Variants in PRRT2 observed in about 807,000 individuals in gnomAD.
PRRT2 encodes proline-rich transmembrane protein 2.
In PRRT2, 9 loss-of-function variants were observed where a neutral mutation model predicts 24.7. The observed-to-expected ratio is 0.36, with a 90% CI of 0.22 to 0.64. PRRT2 has a LOEUF of 0.64. Among genes scored for constraint, PRRT2 ranks in the 30% least tolerant of loss-of-function variants. PRRT2 has a pLI of 0.65. For missense variants in PRRT2, 460 were observed against 435.0 expected, an observed-to-expected ratio of 1.06 and a Z score of -0.51; for synonymous variants, 195 against 175.5, an observed-to-expected ratio of 1.11 and a Z score of -0.88.
intron 1 of PRRT2, 58 bp from the exon 2 acceptor site, chr16:29,812,932 C>T: frequency 1.9e-6 from 2 of 1,053,424 alleles, no homozygotes. Context: ...CCAATTGGGC[C>T]TGCAGTGCTG....
rs956593649 is a variant in PRRT2 at position 29,812,210 on chromosome 16, G to A, written c.-179G>A. ...GAGGGGATGAGCACACGGGAGAGGA[G>A]AAGAGGGAGACCCGCCGCCTCCCTC... On this transcript the variant is annotated 5_prime_UTR_variant, in exon 1 of 4. Transcript: ENST00000358758. 2 of 160,846 alleles carry A rather than the reference G, an allele frequency of 1.2e-5. No individual in the cohort carries two copies. Among genetic ancestry groups the A allele is most frequent in the Non-Finnish European group, 2.7e-5 (2 of 72,890 alleles). 10.0% of individuals were successfully genotyped at this position (160,846 alleles called of 1,614,324 possible). A position where few individuals can be genotyped will look rare whatever the true frequency, so the allele number is the denominator to read the frequency against.
At position 29,815,408 on chromosome 16, in the gene PRRT2, G is replaced by A. The variant is rs117430740; in HGVS notation, c.*770G>A. 9.4e-3 allele frequency: 1,432 copies of A among 152,658 alleles called. 11 individuals carry two copies. Among genetic ancestry groups the A allele is most frequent in the Non-Finnish European group, 0.015 (998 of 68,026 alleles). 9.5% of individuals were successfully genotyped at this position (152,658 alleles called of 1,614,324 possible). ...AGGGTGGCGAGTACTGGTTCCGAAC[G>A]CACGCAGGGGAGAAGGGAGGGACGC... On this transcript the variant is annotated 3_prime_UTR_variant, in exon 4 of 4. Coordinates refer to ENST00000358758, the MANE Select transcript of PRRT2 (RefSeq NM_145239.3).
intron 1 of PRRT2, 36 bp downstream of exon 1, chr16:29,812,359 T>C (rs1453466287): frequency 6.5e-6 from 1 of 152,882 alleles, no homozygotes; most frequent in Non-Finnish European, 1.5e-5. Flanking sequence ...CGGGTAGGAG[T>C]GGACCGACCG....
At position 29,814,360 on chromosome 16, in the gene PRRT2, G is replaced by T; in HGVS notation, c.907G>T (p.Val303Leu). 6.2e-7 allele frequency: 1 copy of T among 1,607,850 alleles called. No individual in the cohort carries two copies. Reference sequence around the variant, plus strand: ...CCGGAACAGCCTGCAGCAGGGGGACGTGGACGGGGCCCAGCGTCTGGGCCG... The same window carrying T: ...CCGGAACAGCCTGCAGCAGGGGGACTTGGACGGGGCCCAGCGTCTGGGCCG... Reference protein sequence around the residue: ...MSRNSLQQGDVDGAQRLGRVA... With the variant: ...MSRNSLQQGDLDGAQRLGRVA... The change falls in exon 3 of 4, where the codon GTG (valine) becomes TTG (leucine). Residue 303 changes from valine to leucine, a missense_variant. Val to Leu is a conservative substitution (Grantham distance 32). Around this residue, in one of 3 missense-constraint regions of PRRT2, gnomAD observed 64 missense variants for 71.2 expected, o/e 0.90. Transcript: ENST00000358758. The surrounding 1 kb of genome is among the most constrained non-coding windows in gnomAD (Gnocchi z 4.1).
Position 29,814,369 on chromosome 16 carries a change from G to T in PRRT2, c.916G>T (p.Ala306Ser), listed in dbSNP as rs727504111. The T allele has an allele frequency of 1.2e-6, 2 of 1,609,334 alleles. No individual in the cohort carries two copies. The highest frequency in any genetic ancestry group is 8.5e-7 in the Non-Finnish European group (1 of 1,179,130). ...NSLQQGDVDG[A>S]QRLGRVAKLL... ...CCTGCAGCAGGGGGACGTGGACGGG[G>T]CCCAGCGTCTGGGCCGGGTAGCCAA... Residue 306 changes from alanine (A) to serine (S), a missense_variant, in exon 3 of 4, where the codon GCC becomes TCC. Coordinates refer to ENST00000358758, the MANE Select transcript of PRRT2 (RefSeq NM_145239.3). This position sits in a 1 kb window ranked among gnomAD's most constrained non-coding sequence, Gnocchi z 4.1.
At position 29,813,323 on chromosome 16, in the gene PRRT2, G is replaced by C; in HGVS notation, c.269G>C (p.Ser90Thr). 6.2e-7 allele frequency: 1 copy of C among 1,614,108 alleles called. No homozygotes were observed. The highest frequency in any genetic ancestry group is 8.5e-7 in the Non-Finnish European group (1 of 1,180,000). The change falls in exon 2 of 4, where the codon AGC becomes ACC. Residue 90 changes from serine to threonine, a missense_variant. Coordinates refer to ENST00000358758, the MANE Select transcript of PRRT2 (RefSeq NM_145239.3). ...GCCCAGGCCACAGACCTCAGCTTAA[G>C]CCCAGGAGGGGAATCAAAGGCCAAC... Reference protein sequence around the residue: ...ETAQATDLSLSPGGESKANCS... With the variant: ...ETAQATDLSLTPGGESKANCS...
At position 29,813,694 on chromosome 16, in the gene PRRT2, GC is replaced by G. The variant is rs587778771; in HGVS notation, c.649del (p.Arg217GlufsTer12). On this transcript the variant is annotated frameshift_variant, in exon 2 of 4. Transcript: ENST00000358758. LOFTEE classifies it high-confidence loss of function. ...AAAAAAATCCCCCCCAGCCAATGGGGCCCCCCCCCGAGTGCTGCAGCAGCTG... is the reference window on the plus strand; with the variant it reads ...AAAAAAATCCCCCCCAGCCAATGGGGCCCCCCCCGAGTGCTGCAGCAGCTG... Reference protein sequence around the residue: ...PSKKSPPANGAPPRVLQQLVE... With the variant: ...PSKKSPPANGXPPRVLQQLVE... 1.7e-3 allele frequency: 2,565 copies of G among 1,475,190 alleles called. No homozygotes were observed. Among genetic ancestry groups the G allele is most frequent in the Admixed American group, 2.6e-3 (135 of 52,270 alleles). 91.4% of individuals were successfully genotyped at this position (1,475,190 alleles called of 1,614,324 possible).
chr16:29,814,464 C>T lies in PRRT2; in HGVS notation c.1011C>T (p.Gly337=), dbSNP rs745970212. Residue 337 remains glycine, a splice_region_variant and synonymous_variant, in exon 3 of 4, where the codon GGC becomes GGT. Coordinates refer to ENST00000358758, the MANE Select transcript of PRRT2 (RefSeq NM_145239.3). This position sits in a 1 kb window ranked among gnomAD's most constrained non-coding sequence, Gnocchi z 4.1. ...IIIASCVINL[G]VYK The stretch of plus-strand genomic sequence containing the variant: ...TCGCCTCCTGCGTCATCAACTTAGG[C>T]GGTGAGTGGGGGCTTGGGACAGGCA... The T allele has an allele frequency of 2.2e-5, 36 of 1,603,076 alleles. No homozygotes were observed. Among genetic ancestry groups the T allele is most frequent in the Non-Finnish European group, 3.1e-5 (36 of 1,174,342 alleles).
chr16:29,814,917 A>C lies in PRRT2; in HGVS notation c.*279A>C. The C allele has an allele frequency of 2.3e-6, 1 of 442,204 alleles. No homozygotes were observed. Among genetic ancestry groups the C allele is most frequent in the East Asian group, 3.8e-5 (1 of 26,272 alleles). 27.4% of individuals were successfully genotyped at this position (442,204 alleles called of 1,614,324 possible). A position where few individuals can be genotyped will look rare whatever the true frequency, so the allele number is the denominator to read the frequency against. On this transcript the variant is annotated 3_prime_UTR_variant, in exon 4 of 4. Coordinates refer to ENST00000358758, the MANE Select transcript of PRRT2 (RefSeq NM_145239.3). This position sits in a 1 kb window ranked among gnomAD's most constrained non-coding sequence, Gnocchi z 4.1. The stretch of plus-strand genomic sequence containing the variant: ...GCCCCCTATCCCTGCACTTCTGGAA[A>C]CCTCCCTGCACTCTGGAAACCTCCC...
At chr16:29,812,818 G>A (rs1454111807) in intron 1 of PRRT2, among the ~76,000 whole-genome samples, 172 bp from the exon 2 acceptor site, 2 of 151,800 alleles carry the variant, frequency 1.3e-5, no homozygotes, top group African/African-American at 4.8e-5. Flanking sequence ...TTTGAGTAGA[G>A]CACTCCTCCC....
Position 29,814,630 on chromosome 16 carries a change from T to C in PRRT2, c.1015T>C (p.Tyr339His). The C allele has an allele frequency of 6.2e-7, 1 of 1,600,114 alleles. No homozygotes were observed. The highest frequency in any genetic ancestry group is 8.5e-7 in the Non-Finnish European group (1 of 1,171,948). ...IASCVINLGV[Y>H]K ...TCCTTCCCTCTCCTCTCCCACAGTG[T>C]ATAAGTGAGGGGCTCTGCCCCGCAT... The change falls in exon 4 of 4, where the codon TAT becomes CAT. Residue 339 changes from tyrosine (Y) to histidine (H), a missense_variant and splice_region_variant. Physicochemically the swap from Tyr to His is moderately conservative, Grantham distance 83. This residue lies in a region of PRRT2 where 64 missense variants were observed against 71.2 expected (regional missense o/e 0.90). Transcript: ENST00000358758. This position sits in a 1 kb window ranked among gnomAD's most constrained non-coding sequence, Gnocchi z 4.1.
In PRRT2 at chr16:29,815,059, T is replaced by C; in HGVS notation, c.*421T>C. 5.0e-6 allele frequency: 1 copy of C among 200,658 alleles called. No homozygotes were observed. The highest frequency in any genetic ancestry group is 1.0e-5 in the Non-Finnish European group (1 of 99,214). The allele number at this position is 200,658 out of a possible 1,614,324, so 12.4% of individuals were successfully genotyped here. A position where few individuals can be genotyped will look rare whatever the true frequency, so the allele number is the denominator to read the frequency against. ...CACCCTGGCCGCCTCCTCCCAACTT[T>C]CATTGTCTTGGCATCTCTCAACCCT... On this transcript the variant is annotated 3_prime_UTR_variant, in exon 4 of 4. Coordinates refer to ENST00000358758, the MANE Select transcript of PRRT2 (RefSeq NM_145239.3).
chr16:29,815,760 GA>G lies in PRRT2; in HGVS notation c.*1124del, dbSNP rs1567382019. The G allele has an allele frequency of 7.8e-6, 1 of 128,024 alleles. No homozygotes were observed. The highest frequency in any genetic ancestry group is 1.6e-5 in the Non-Finnish European group (1 of 60,648). The allele number at this position is 128,024 out of a possible 1,614,324, so 7.9% of individuals were successfully genotyped here. On this transcript the variant is annotated 3_prime_UTR_variant, in exon 4 of 4. Coordinates refer to ENST00000358758, the MANE Select transcript of PRRT2 (RefSeq NM_145239.3). ...AAAAAAAAAAAAAAAAAGTCTGGGG[GA>G]AGAAAAAAACTAAAATTCTTAAAAA...
rs1900129959 is a variant in PRRT2, at chr16:29,814,223, A to G, written c.880-110A>G. ...ACTCCTCCTTCCTCCCTTACCCGCC[A>G]TCTATGGGGCTGGCCTCTCTCTCTT... is the stretch of plus-strand genomic sequence containing the variant. On this transcript the variant is annotated intron_variant, in intron 2 of 3. Coordinates refer to ENST00000358758, the MANE Select transcript of PRRT2 (RefSeq NM_145239.3). This position sits in a 1 kb window ranked among gnomAD's most constrained non-coding sequence, Gnocchi z 4.1. The G allele has an allele frequency of 1.6e-5, 24 of 1,486,684 alleles. No individual in the cohort carries two copies. Among genetic ancestry groups the G allele is most frequent in the Non-Finnish European group, 2.0e-5 (22 of 1,126,760 alleles). The allele number at this position is 1,486,684 out of a possible 1,614,324, so 92.1% of individuals were successfully genotyped here.
rs759681485 is a variant in PRRT2 at position 29,813,111 on chromosome 16, G to T, written c.57G>T (p.Lys19Asn). Reference protein sequence around the residue: ...SEMKGVEESPKVPGEGPGHSE... With the variant: ...SEMKGVEESPNVPGEGPGHSE... Reference sequence around the variant, plus strand: ...TGAAGGGGGTTGAGGAGAGTCCCAAGGTTCCAGGCGAAGGGCCTGGCCATT... The same window carrying T: ...TGAAGGGGGTTGAGGAGAGTCCCAATGTTCCAGGCGAAGGGCCTGGCCATT... Residue 19 changes from lysine to asparagine, a missense_variant, in exon 2 of 4, where the codon AAG (lysine) becomes AAT (asparagine). By Grantham distance (94) the Lys-to-Asn change is moderately conservative. Coordinates refer to ENST00000358758, the MANE Select transcript of PRRT2 (RefSeq NM_145239.3). The T allele has an allele frequency of 1.9e-6, 3 of 1,613,742 alleles. No individual in the cohort carries two copies. Among genetic ancestry groups the T allele is most frequent in the Non-Finnish European group, 2.5e-6 (3 of 1,179,908 alleles).
Position 29,813,878 on chromosome 16 carries a change from C to A in PRRT2, c.824C>A (p.Ser275Tyr). 1 of 1,613,072 alleles carries A rather than the reference C, an allele frequency of 6.2e-7. No individual in the cohort carries two copies. Among genetic ancestry groups the A allele is most frequent in the Non-Finnish European group, 8.5e-7 (1 of 1,179,408 alleles). Reference protein sequence around the residue: ...PRDYIILAILSCFCPMWPVNI... With the variant: ...PRDYIILAILYCFCPMWPVNI... ...GACTACATCATCCTTGCCATCCTGT[C>A]CTGCTTCTGCCCCATGTGGCCTGTC... is the stretch of plus-strand genomic sequence containing the variant. The change falls in exon 2 of 4, where the codon TCC becomes TAC. Residue 275 changes from serine (S) to tyrosine (Y), a missense_variant. By Grantham distance (144) the Ser-to-Tyr change is moderately radical. Coordinates refer to ENST00000358758, the MANE Select transcript of PRRT2 (RefSeq NM_145239.3).
Position 29,814,548 on chromosome 16 carries a change from C to T in PRRT2, c.1013-80C>T, listed in dbSNP as rs778243108. 6.2e-5 allele frequency: 100 copies of T among 1,610,766 alleles called. No individual in the cohort carries two copies. The South Asian group carries it at 9.4e-4, about 15-fold the overall frequency. ...TACTAACCCCTGCCCCTGCTCTCTCCTGTCTGTCCTCCTTACCTCTCCTTT... is the reference window on the plus strand; with the variant it reads ...TACTAACCCCTGCCCCTGCTCTCTCTTGTCTGTCCTCCTTACCTCTCCTTT... On this transcript the variant is annotated intron_variant, in intron 3 of 3. Coordinates refer to ENST00000358758, the MANE Select transcript of PRRT2 (RefSeq NM_145239.3). The surrounding 1 kb of genome is among the most constrained non-coding windows in gnomAD (Gnocchi z 4.1).
At chr16:29,812,812 A>G (rs1900043618) in intron 1 of PRRT2, among the ~76,000 whole-genome samples, 178 bp from the exon 2 acceptor site, 1 of 151,660 alleles carries the variant, frequency 6.6e-6, no homozygotes, top group African/African-American at 2.4e-5. Flanking sequence ...GAAGACTTTG[A>G]GTAGAGCACT....
Position 29,814,956 on chromosome 16 carries a change from A to C in PRRT2, c.*318A>C, listed in dbSNP as rs1900174590. 1.4e-5 allele frequency: 5 copies of C among 358,386 alleles called. No individual in the cohort carries two copies. The highest frequency in any genetic ancestry group is 2.0e-5 in the Non-Finnish European group (4 of 196,754). The allele number at this position is 358,386 out of a possible 1,614,324, so 22.2% of individuals were successfully genotyped here. A position where few individuals can be genotyped will look rare whatever the true frequency, so the allele number is the denominator to read the frequency against. On this transcript the variant is annotated 3_prime_UTR_variant, in exon 4 of 4. Transcript: ENST00000358758. The surrounding 1 kb of genome is among the most constrained non-coding windows in gnomAD (Gnocchi z 4.1). Reference sequence around the variant, plus strand: ...TGGAAACCTCCCTGAACACCTCCCCAACTCTGCGCTCTCAGCCTCCCTGCA... The same window carrying C: ...TGGAAACCTCCCTGAACACCTCCCCCACTCTGCGCTCTCAGCCTCCCTGCA...
Sources: gnomAD v4.1 joint callset for allele counts (sites outside exome capture counted in the v4.1 genomes callset) on GRCh38, gnomAD v4.1.1 for gene constraint, gnomAD v4.1.1 regional missense constraint, Gnocchi (gnomAD v3.1) non-coding constraint, MANE v1.5 for transcripts, NCBI Gene and HGNC (gene_info 2026-07-23, HGNC 2026-07-21) for gene names.